CYP27B1: variants seen among roughly 807,000 people sequenced by gnomAD.
CYP27B1 encodes the protein 25-hydroxyvitamin D-1 alpha hydroxylase, mitochondrial.
In CYP27B1, 46 loss-of-function variants were observed where a neutral mutation model predicts 54.8. That is an observed-to-expected ratio of 0.84 (90% CI 0.66 to 1.07). CYP27B1 has a LOEUF of 1.07. Ranked by LOEUF, CYP27B1 falls within the 50% of genes least tolerant of loss-of-function variation. The pLI is 0.00. For missense variants in CYP27B1, 674 were observed against 692.2 expected (o/e 0.97, Z 0.30); for synonymous variants, 292 against 297.3 (o/e 0.98, Z 0.18).
Position 57,765,659 on chromosome 12 carries a change from C to G in CYP27B1, c.387-160G>C. 1.1e-6 allele frequency: 1 copy of G among 926,704 alleles called. No homozygotes were observed. 57.4% of individuals were successfully genotyped at this position (926,704 alleles called of 1,614,324 possible). A position where few individuals can be genotyped will look rare whatever the true frequency, so the allele number is the denominator to read the frequency against. Reference sequence around the variant, plus strand: ...CACCGGCCTGCGCCTGTCTTCCAGCCCCCTTCCTCTTTACTCATTTCCTGC... The same window carrying G: ...CACCGGCCTGCGCCTGTCTTCCAGCGCCCTTCCTCTTTACTCATTTCCTGC... On this transcript the variant is annotated intron_variant, in intron 2 of 8. Coordinates refer to ENST00000228606, the MANE Select transcript of CYP27B1 (RefSeq NM_000785.4). This position sits in a 1 kb window ranked among gnomAD's most constrained non-coding sequence, Gnocchi z 5.8.
rs1317442071 is a variant in CYP27B1, at chr12:57,763,139, G to A, written c.*3C>T. ...GTGATGATGACAGTCTCTTTCCATGGGACTATCTGTCCAAAAACTGTAGGT... is the reference window on the plus strand; with the variant it reads ...GTGATGATGACAGTCTCTTTCCATGAGACTATCTGTCCAAAAACTGTAGGT... On this transcript the variant is annotated 3_prime_UTR_variant, in exon 9 of 9. Transcript: ENST00000228606. The A allele has an allele frequency of 6.3e-7, 1 of 1,595,670 alleles. No individual in the cohort carries two copies. Among genetic ancestry groups the A allele is most frequent in the Admixed American group, 1.7e-5 (1 of 59,996 alleles).
chr12:57,763,948 C>T (rs1453119479), intron 7 of CYP27B1, 140 bp from the exon 8 acceptor site: 2 of 1,070,234 alleles, frequency 1.9e-6, no homozygotes, highest in Non-Finnish European at 1.4e-6. Context: ...AAGGATCTCC[C>T]CACTGTTCCA....
Position 57,764,862 on chromosome 12 carries a change from C to T in CYP27B1, c.855G>A (p.Lys285=). Residue 285 remains lysine (K), a synonymous_variant, in exon 5 of 9, where the codon AAG becomes AAA. Transcript: ENST00000228606. Reference sequence around the variant, plus strand: ...TCAGGTGCGCCCCAGACTCCAGGTCCTTCTCGGGCTGTCCTCCGTTCCTCA... The same window carrying T: ...TCAGGTGCGCCCCAGACTCCAGGTCTTTCTCGGGCTGTCCTCCGTTCCTCA... ...AAMRNGGQPE[K]DLESGAHLTH... 1 of 1,614,206 alleles carries T rather than the reference C, an allele frequency of 6.2e-7. No homozygotes were observed. The highest frequency in any genetic ancestry group is 8.5e-7 in the Non-Finnish European group (1 of 1,180,042).
At position 57,765,604 on chromosome 12, in the gene CYP27B1, G is replaced by A. The variant is rs1955353636; in HGVS notation, c.387-105C>T. The A allele has an allele frequency of 8.3e-7, 1 of 1,211,472 alleles. No individual in the cohort carries two copies. Among genetic ancestry groups the A allele is most frequent in the African/African-American group, 1.5e-5 (1 of 66,524 alleles). 75.0% of individuals were successfully genotyped at this position (1,211,472 alleles called of 1,614,324 possible). A position where few individuals can be genotyped will look rare whatever the true frequency, so the allele number is the denominator to read the frequency against. ...GGCTGCGGTGGCCAGGAGAGGGATTGCGTCTGCCCCCTTGGGGTACGGAAA... is the reference window on the plus strand; with the variant it reads ...GGCTGCGGTGGCCAGGAGAGGGATTACGTCTGCCCCCTTGGGGTACGGAAA... On this transcript the variant is annotated intron_variant, in intron 2 of 8. Coordinates refer to ENST00000228606, the MANE Select transcript of CYP27B1 (RefSeq NM_000785.4). The surrounding 1 kb of genome is among the most constrained non-coding windows in gnomAD (Gnocchi z 5.8).
In CYP27B1 at chr12:57,765,814, A is replaced by T. The variant is rs1432264241; in HGVS notation, c.386+193T>A. 1 of 1,127,264 alleles carries T rather than the reference A, an allele frequency of 8.9e-7. No individual in the cohort carries two copies. The highest frequency in any genetic ancestry group is 1.2e-6 in the Non-Finnish European group (1 of 816,868). 69.8% of individuals were successfully genotyped at this position (1,127,264 alleles called of 1,614,324 possible). A position where few individuals can be genotyped will look rare whatever the true frequency, so the allele number is the denominator to read the frequency against. On this transcript the variant is annotated intron_variant, in intron 2 of 8. Transcript: ENST00000228606. This position sits in a 1 kb window ranked among gnomAD's most constrained non-coding sequence, Gnocchi z 5.8. ...AGGATTCGGGCCTCAAAGGATAAGG[A>T]GGTAGGCGGGGAGTGAGGTTGGGGC... is the stretch of plus-strand genomic sequence containing the variant.
rs752406850 is a variant in CYP27B1, at chr12:57,765,526, T to G, written c.387-27A>C. The G allele has an allele frequency of 1.9e-6, 3 of 1,592,402 alleles. No homozygotes were observed. Among genetic ancestry groups the G allele is most frequent in the Non-Finnish European group, 2.6e-6 (3 of 1,169,744 alleles). ...TGCAGGGTTGAGGAGAGAGTGCGCA[T>G]CGGGAAGGTGGGGACGGCTCGACGG... On this transcript the variant is annotated intron_variant, in intron 2 of 8. Transcript: ENST00000228606. The surrounding 1 kb of genome is among the most constrained non-coding windows in gnomAD (Gnocchi z 5.8).
chr12:57,766,759 A>G, intron 1 of CYP27B1, 88 bp downstream of exon 1: 2 of 1,393,368 alleles, frequency 1.4e-6, no homozygotes, highest in South Asian at 2.3e-5. Context: ...TGGCTGTCCC[A>G]CATTTGCTCT....
chr12:57,765,120 C>G lies in CYP27B1; in HGVS notation c.681G>C (p.Ser227=). 6.2e-7 allele frequency: 1 copy of G among 1,614,002 alleles called. No homozygotes were observed. Among genetic ancestry groups the G allele is most frequent in the East Asian group, 2.2e-5 (1 of 44,886 alleles). The change falls in exon 4 of 9, where the codon TCG becomes TCC. Residue 227 remains serine, a synonymous_variant. Coordinates refer to ENST00000228606, the MANE Select transcript of CYP27B1 (RefSeq NM_000785.4). The surrounding 1 kb of genome is among the most constrained non-coding windows in gnomAD (Gnocchi z 5.8). ...DTETFIRAVG[S]VFVSTLLTMA... is the part of the protein sequence containing the mutation. The stretch of plus-strand genomic sequence containing the variant: ...TGGTCAACAGCGTGGACACAAACAC[C>G]GAGCCCACAGCGCGGATGAAGGTCT...
chr12:57,763,957 C>T, intron 7 of CYP27B1, 141 bp downstream of exon 7: 1 of 1,064,908 alleles, frequency 9.4e-7, no homozygotes, highest in Non-Finnish European at 1.4e-6. Context: ...CCCACTGTTC[C>T]ATTACATCCT....
chr12:57,766,358 C>G, intron 1 of CYP27B1, 161 bp from the exon 2 acceptor site: 1 of 981,924 alleles, frequency 1.0e-6, no homozygotes, highest in Non-Finnish European at 1.4e-6. Flanking sequence ...AACTCCTCCT[C>G]TCTCATTTCC....
chr12:57,765,436 C>T lies in CYP27B1; in HGVS notation c.450G>A (p.Ala150=). The change falls in exon 3 of 9, where the codon GCG becomes GCA. Residue 150 remains alanine (A), a synonymous_variant. Coordinates refer to ENST00000228606, the MANE Select transcript of CYP27B1 (RefSeq NM_000785.4). The surrounding 1 kb of genome is among the most constrained non-coding windows in gnomAD (Gnocchi z 5.8). The part of the protein sequence containing the change: ...LLAPLLLRPQ[A]AARYAGTLNN... Reference sequence around the variant, plus strand: ...TCAGGGTTCCGGCGTAGCGGGCGGCCGCTTGAGGCCGGAGGAGGAGCGGGG... The same window carrying T: ...TCAGGGTTCCGGCGTAGCGGGCGGCTGCTTGAGGCCGGAGGAGGAGCGGGG... 1 of 1,612,884 alleles carries T rather than the reference C, an allele frequency of 6.2e-7. No homozygotes were observed. The highest frequency in any genetic ancestry group is 8.5e-7 in the Non-Finnish European group (1 of 1,179,572).
At chr12:57,763,901 G>A (rs993009102) in intron 7 of CYP27B1, 93 bp from the exon 8 acceptor site, 11 of 1,331,732 alleles carry the variant, frequency 8.3e-6, no homozygotes, top group South Asian at 1.2e-5. Flanking sequence ...GGCAGGTCCT[G>A]GTGGGTGATG....
At chr12:57,763,906 G>C in intron 7 of CYP27B1, 98 bp from the exon 8 acceptor site, 1 of 1,311,716 alleles carries the variant, frequency 7.6e-7, no homozygotes, top group Non-Finnish European at 1.1e-6. Flanking sequence ...GTCCTGGTGG[G>C]TGATGGGGAA....
Position 57,765,704 on chromosome 12 carries a change from C to T in CYP27B1, c.387-205G>A, listed in dbSNP as rs778835851. ...TCCTGCCCTCAGGGGCCGGGGTTCC[C>T]GGGTAACTTGAGTCACAGAACCTTA... On this transcript the variant is annotated intron_variant, in intron 2 of 8. Coordinates refer to ENST00000228606, the MANE Select transcript of CYP27B1 (RefSeq NM_000785.4). The surrounding 1 kb of genome is among the most constrained non-coding windows in gnomAD (Gnocchi z 5.8). The T allele has an allele frequency of 4.7e-5, 39 of 831,212 alleles. No homozygotes were observed. In the South Asian group the frequency reaches 5.1e-4, roughly 11 times the overall value. The allele number at this position is 831,212 out of a possible 1,614,324, so 51.5% of individuals were successfully genotyped here.
chr12:57,764,178 T>C lies in CYP27B1; in HGVS notation c.1137-2A>G. 3.7e-6 allele frequency: 6 copies of C among 1,612,990 alleles called. No homozygotes were observed. The highest frequency in any genetic ancestry group is 5.1e-6 in the Non-Finnish European group (6 of 1,178,888). ...TTTCCAGGTACCACAGGGTACAGTCTAGGTTGCAAAGCACAAAATGGAGAC... is the reference window on the plus strand; with the variant it reads ...TTTCCAGGTACCACAGGGTACAGTCCAGGTTGCAAAGCACAAAATGGAGAC... On this transcript the variant is annotated splice_acceptor_variant, in intron 6 of 8. Coordinates refer to ENST00000228606, the MANE Select transcript of CYP27B1 (RefSeq NM_000785.4). LOFTEE classifies it high-confidence loss of function.
rs767032150 is a variant in CYP27B1, at chr12:57,765,490, T to C, written c.396A>G (p.Glu132=). 1.4e-5 allele frequency: 23 copies of C among 1,610,842 alleles called. No homozygotes were observed. Among genetic ancestry groups the C allele is most frequent in the Non-Finnish European group, 1.9e-5 (22 of 1,178,854 alleles). Residue 132 remains glutamate (E), a synonymous_variant, in exon 3 of 9, where the codon GAA becomes GAG. Transcript: ENST00000228606. This position sits in a 1 kb window ranked among gnomAD's most constrained non-coding sequence, Gnocchi z 5.8. The stretch of plus-strand genomic sequence containing the variant: ...GGAGACTGCGGAGCCTTTGCCATTC[T>C]TCGCCTTCCCTGCAGGGTTGAGGAG... The part of the protein sequence containing the change: ...RACGLLTAEG[E]EWQRLRSLLA...
Position 57,764,181 on chromosome 12 carries a change from G to A in CYP27B1, c.1137-5C>T, listed in dbSNP as rs1398477600. On this transcript the variant is annotated splice_polypyrimidine_tract_variant and splice_region_variant and intron_variant, in intron 6 of 8. Coordinates refer to ENST00000228606, the MANE Select transcript of CYP27B1 (RefSeq NM_000785.4). ...CCAGGTACCACAGGGTACAGTCTAG[G>A]TTGCAAAGCACAAAATGGAGACAAC... 6.2e-7 allele frequency: 1 copy of A among 1,612,424 alleles called. No homozygotes were observed. Among genetic ancestry groups the A allele is most frequent in the Non-Finnish European group, 8.5e-7 (1 of 1,178,520 alleles).
In CYP27B1 at chr12:57,764,801, A is replaced by C; in HGVS notation, c.916T>G (p.Ser306Ala). The change falls in exon 5 of 9, where the codon TCC becomes GCC. Residue 306 changes from serine to alanine, a missense_variant. Ser to Ala is a moderately conservative substitution (Grantham distance 99). Transcript: ENST00000228606. ...AACTCTGTCACATTTCCCAGGATGG[A>C]CTGGGCAGGCAACTCTTCCCGGAAC... The part of the protein sequence containing the change: ...FLFREELPAQ[S>A]ILGNVTELLL... 1.2e-6 allele frequency: 2 copies of C among 1,614,108 alleles called. No individual in the cohort carries two copies. The highest frequency in any genetic ancestry group is 1.7e-6 in the Non-Finnish European group (2 of 1,180,016).
rs1955356304 is a variant in CYP27B1, at chr12:57,765,937, A to G, written c.386+70T>C. 4.1e-6 allele frequency: 6 copies of G among 1,470,568 alleles called. No individual in the cohort carries two copies. The highest frequency in any genetic ancestry group is 5.4e-6 in the Non-Finnish European group (6 of 1,113,750). The allele number at this position is 1,470,568 out of a possible 1,614,324, so 91.1% of individuals were successfully genotyped here. On this transcript the variant is annotated intron_variant, in intron 2 of 8. Transcript: ENST00000228606. The surrounding 1 kb of genome is among the most constrained non-coding windows in gnomAD (Gnocchi z 5.8). ...CCTCCCACCATGCCCCCAGATTGATAGTTTCGGGACCCGCAGCAGGAGAGG... is the reference window on the plus strand; with the variant it reads ...CCTCCCACCATGCCCCCAGATTGATGGTTTCGGGACCCGCAGCAGGAGAGG...
Sources: allele counts gnomAD v4.1 joint callset, GRCh38; gene constraint gnomAD v4.1.1; non-coding constraint Gnocchi (gnomAD v3.1); transcripts MANE v1.5; gene names NCBI Gene and HGNC (gene_info 2026-07-23, HGNC 2026-07-21).